The following SLC67A1 variants were observed in gnomAD, a reference collection of about 807,000 sequenced individuals.
The protein encoded by SLC67A1 is solute carrier family 67 member 1, also known as solute carrier family 67 member A1.
At chr11:2,906,823 C>T in the SLC67A1 span, among the ~76,000 whole-genome samples, 1 of 151,358 alleles carries the variant, frequency 6.6e-6, no homozygotes, top group African/African-American at 2.4e-5. Flanking sequence ...ATGTAACAAA[C>T]CTGCACGTTG....
chr11:2,922,744 T>C, the SLC67A1 span, among the ~76,000 whole-genome samples: 1 of 151,460 alleles, frequency 6.6e-6, no homozygotes, highest in Non-Finnish European at 1.5e-5. Context: ...GTGGGGAGCC[T>C]GGGTCTTGCA....
chr11:2,915,226 G>A, the SLC67A1 span: 4 of 985,394 alleles, frequency 4.1e-6, no homozygotes, highest in Non-Finnish European at 4.8e-6. Flanking sequence ...GTGGCTCCAA[G>A]TCCCCTCCTT....
At chr11:2,919,427 C>T in the SLC67A1 span, 1 of 1,579,552 alleles carries the variant, frequency 6.3e-7, no homozygotes, top group Non-Finnish European at 8.7e-7. Context: ...CACACAGGGC[C>T]TGCTGGGGGG....
At chr11:2,909,072 C>G in the SLC67A1 span, 5 of 913,986 alleles carry the variant, frequency 5.5e-6, no homozygotes, top group African/African-American at 3.5e-5. Context: ...CCCAGGCGCC[C>G]CCGCCCTCCA....
the SLC67A1 span, among the ~76,000 whole-genome samples, chr11:2,911,394 T>TG: frequency 6.6e-6 from 1 of 151,728 alleles, no homozygotes; most frequent in South Asian, 2.1e-4. Flanking sequence ...TGGGCAGCTC[T>TG]GGTGGGACAG....
the SLC67A1 span, among the ~76,000 whole-genome samples, chr11:2,915,554 G>C: frequency 6.6e-6 from 1 of 152,206 alleles, no homozygotes; most frequent in African/African-American, 2.4e-5. Context: ...TGCGGTCTCC[G>C]CGCAGGGTCC....
At chr11:2,909,019 G>A in the SLC67A1 span, among the ~76,000 whole-genome samples, 1 of 152,236 alleles carries the variant, frequency 6.6e-6, no homozygotes, top group South Asian at 2.1e-4. Flanking sequence ...TGGGACGCTG[G>A]GGAAACTGAG....
chr11:2,902,858 C>A, the SLC67A1 span: 1 of 614,552 alleles, frequency 1.6e-6, no homozygotes, highest in Non-Finnish European at 2.1e-6. Context: ...GTGTTGGGGA[C>A]AGGGCCACTG....
At chr11:2,900,207 T>C in the SLC67A1 span, among the ~76,000 whole-genome samples, 1 of 152,050 alleles carries the variant, frequency 6.6e-6, no homozygotes, top group African/African-American at 2.4e-5. Context: ...TGGCAGAGGA[T>C]CTGGGGACAC....
At chr11:2,907,406 T>A in the SLC67A1 span, among the ~76,000 whole-genome samples, 1 of 152,184 alleles carries the variant, frequency 6.6e-6, no homozygotes, top group Admixed American at 6.5e-5. This position sits in a 1 kb window ranked among gnomAD's most constrained non-coding sequence, Gnocchi z 6.7. Context: ...CAGACATCCC[T>A]TGGCTTGTGG....
At chr11:2,920,030 G>C in the SLC67A1 span, 1 of 152,256 alleles carries the variant, frequency 6.6e-6, no homozygotes, top group Admixed American at 6.5e-5. Flanking sequence ...CTGGGTGGTG[G>C]GGACAGGTGA....
chr11:2,899,799 A>T, the SLC67A1 span: 1 of 1,327,020 alleles, frequency 7.5e-7, no homozygotes, highest in African/African-American at 1.5e-5. Flanking sequence ...ACCTGGAGGA[A>T]GACAGTGGTA....
At chr11:2,904,248 G>A in the SLC67A1 span, among the ~76,000 whole-genome samples, 2 of 152,200 alleles carry the variant, frequency 1.3e-5, no homozygotes, top group Admixed American at 6.5e-5. Flanking sequence ...CCCGGCGTGC[G>A]TGGGCTCAGA....
the SLC67A1 span, chr11:2,916,664 G>A: frequency 2.5e-6 from 4 of 1,612,892 alleles, no homozygotes; most frequent in African/African-American, 5.3e-5. Flanking sequence ...CCACCCTCCT[G>A]GGAGCTGTCC....
chr11:2,921,186 G>C, the SLC67A1 span: 3 of 145,352 alleles, frequency 2.1e-5, no homozygotes, highest in Non-Finnish European at 4.5e-5. Context: ...AGCCGAGATC[G>C]CGCCACTGCA....
chr11:2,924,898 G>A, the SLC67A1 span: 650 of 924,940 alleles, frequency 7.0e-4, 8 homozygotes, highest in South Asian at 8.5e-3. This position sits in a 1 kb window ranked among gnomAD's most constrained non-coding sequence, Gnocchi z 8.6. Context: ...TGCGGACTGC[G>A]CCGTGAGGTC....
At chr11:2,912,794 G>C in the SLC67A1 span, among the ~76,000 whole-genome samples, 1 of 152,198 alleles carries the variant, frequency 6.6e-6, no homozygotes, top group Non-Finnish European at 1.5e-5. Flanking sequence ...TCACAGACTG[G>C]GGAGGGATGG....
At chr11:2,914,051 C>A in the SLC67A1 span, among the ~76,000 whole-genome samples, 4 of 152,156 alleles carry the variant, frequency 2.6e-5, no homozygotes, top group Non-Finnish European at 5.9e-5. Context: ...ACCCAGCCCT[C>A]ATTTGCATAT....
chr11:2,900,561 C>G, the SLC67A1 span, among the ~76,000 whole-genome samples: 1 of 151,636 alleles, frequency 6.6e-6, no homozygotes, highest in Non-Finnish European at 1.5e-5. Flanking sequence ...GGGGCTGTGG[C>G]GGGCGCCTGT....
Sources: gnomAD v4.1 joint callset for allele counts (sites outside exome capture counted in the v4.1 genomes callset) on GRCh38, gnomAD v4.1.1 for gene constraint, Gnocchi (gnomAD v3.1) non-coding constraint, MANE v1.5 for transcripts, NCBI Gene and HGNC (gene_info 2026-07-23, HGNC 2026-07-21) for gene names.